The following TENM2 variants were observed in gnomAD, a reference collection of about 807,000 sequenced individuals.
TENM2 encodes the protein teneurin-2.
A neutral mutation model predicts 245.2 loss-of-function variants in TENM2; 52 were observed. The observed-to-expected ratio is 0.21, with a 90% CI of 0.17 to 0.27. TENM2 has a LOEUF of 0.27. TENM2 is among the 10% of genes least tolerant of loss of function. The probability of loss-of-function intolerance (pLI) is 1.00; values close to 1 mark genes in which losing one functional copy is unlikely to be tolerated. For missense variants in TENM2, 3,046 were observed against 3,666.8 expected (o/e 0.83, Z 4.37); for synonymous variants, 1,363 against 1,438.9 (o/e 0.95, Z 1.19).
At chr5:167,618,336 C>G (rs1411869582) in intron 2 of TENM2, among the ~76,000 whole-genome samples, 4 of 152,098 alleles carry the variant, frequency 2.6e-5, no homozygotes, top group South Asian at 4.2e-4. Context: ...CTTACCACCC[C>G]CTGTAAGCTC....
intron 12 of TENM2, among the ~76,000 whole-genome samples, chr5:168,151,299 G>T (rs1354553178): frequency 6.6e-6 from 1 of 152,114 alleles, no homozygotes; most frequent in Non-Finnish European, 1.5e-5. Flanking sequence ...TCTTTGGAGG[G>T]CACCTTTCTG....
chr5:168,006,899 C>T lies in TENM2; in HGVS notation c.1186+13717C>T, dbSNP rs559974385. ...CCGTGCTAATGAGCTGCAATTTCAG[C>T]TGGGTTCCACCTGGGTGCCTGCCAG... On this transcript the variant is annotated intron_variant, in intron 5 of 28. Transcript: ENST00000518659. Among the ~76,000 whole-genome samples the T allele has an allele frequency of 7.2e-5, 11 of 152,336 alleles. No individual in the cohort carries two copies. In the South Asian group the frequency reaches 2.3e-3, roughly 32 times the overall value.
chr5:168,167,320 G>A (rs947872033), intron 13 of TENM2, among the ~76,000 whole-genome samples: 4 of 152,056 alleles, frequency 2.6e-5, no homozygotes, highest in African/African-American at 9.7e-5. Flanking sequence ...TGCAAGGTGA[G>A]GAGGCGTTGT....
chr5:167,370,415 A>G (rs960297624), intron 1 of TENM2, among the ~76,000 whole-genome samples: 24 of 151,922 alleles, frequency 1.6e-4, no homozygotes, highest in African/African-American at 5.8e-4. Context: ...TACGATCAAG[A>G]AAAGACAATT....
the TENM2 span, among the ~76,000 whole-genome samples, chr5:167,173,917 C>A: frequency 6.6e-6 from 1 of 152,004 alleles, no homozygotes; most frequent in Non-Finnish European, 1.5e-5. Flanking sequence ...TGCTGAAATT[C>A]TTTTCCAGAC....
At position 167,773,689 on chromosome 5, in the gene TENM2, G is replaced by C. The variant is rs79537420; in HGVS notation, c.503-102297G>C. 7.9e-3 allele frequency among the ~76,000 whole-genome samples: 1,199 copies of C among 152,188 alleles called. 18 individuals carry two copies. Among genetic ancestry groups the C allele is most frequent in the African/African-American group, 0.028 (1,144 of 41,508 alleles). The stretch of plus-strand genomic sequence containing the variant: ...GTAAATTAGGTCCTGAAAATGGCAA[G>C]GAGTATTAGACAAGATTTCGGCTCC... On this transcript the variant is annotated intron_variant, in intron 2 of 28. Coordinates refer to ENST00000518659, the Ensembl canonical transcript of TENM2.
At chr5:168,072,054 C>T (rs1399333809) in intron 7 of TENM2, among the ~76,000 whole-genome samples, 2 of 152,206 alleles carry the variant, frequency 1.3e-5, no homozygotes, top group East Asian at 3.8e-4. Context: ...CCCCAGTTTG[C>T]TCCCTCTTCT....
At chr5:167,502,196 C>T (rs1769255695) in intron 2 of TENM2, among the ~76,000 whole-genome samples, 1 of 152,100 alleles carries the variant, frequency 6.6e-6, no homozygotes, top group African/African-American at 2.4e-5. Flanking sequence ...TGCACTGTGG[C>T]CATATTAAGG....
intron 2 of TENM2, among the ~76,000 whole-genome samples, chr5:167,657,055 G>T (rs746332228): frequency 1.3e-5 from 2 of 151,118 alleles, no homozygotes; most frequent in Non-Finnish European, 2.9e-5. Context: ...ACACTTGAAC[G>T]TATTTCTTCC....
intron 2 of TENM2, among the ~76,000 whole-genome samples, chr5:167,432,099 T>G (rs1764290857): frequency 6.6e-6 from 1 of 151,146 alleles, no homozygotes; most frequent in African/African-American, 2.5e-5. Context: ...AAAACCCCCC[T>G]GGAAACAAAC....
chr5:167,986,479 G>C (rs1476647897), intron 4 of TENM2, among the ~76,000 whole-genome samples: 2 of 152,278 alleles, frequency 1.3e-5, no homozygotes, highest in East Asian at 1.9e-4. Context: ...ACTGGGAAGG[G>C]AAAGAAGTGT....
chr5:167,587,447 A>G (rs1775584200), intron 2 of TENM2, among the ~76,000 whole-genome samples: 1 of 152,102 alleles, frequency 6.6e-6, no homozygotes. Flanking sequence ...TTCATTCAAG[A>G]TCATTTATAA....
intron 1 of TENM2, among the ~76,000 whole-genome samples, chr5:167,352,770 C>G (rs1012154754): frequency 6.6e-6 from 1 of 152,228 alleles, no homozygotes; most frequent in Non-Finnish European, 1.5e-5. Context: ...TAGTGAAACT[C>G]TGACATATGT....
intron 13 of TENM2, among the ~76,000 whole-genome samples, chr5:168,179,229 G>C (rs1482029758): frequency 6.6e-6 from 1 of 151,606 alleles, no homozygotes; most frequent in Admixed American, 6.6e-5. Context: ...CTGTGACCTT[G>C]GGCAAGGCCC....
intron 27 of TENM2, among the ~76,000 whole-genome samples, chr5:168,257,027 A>G (rs1034988371): frequency 6.6e-6 from 1 of 152,116 alleles, no homozygotes; most frequent in Non-Finnish European, 1.5e-5. Flanking sequence ...TCATTCATTC[A>G]TTCATTCTAT....
intron 2 of TENM2, among the ~76,000 whole-genome samples, chr5:167,444,851 C>T (rs570720237): frequency 5.9e-5 from 9 of 152,214 alleles, no homozygotes; most frequent in South Asian, 4.1e-4. Context: ...TTCTAGGAAA[C>T]GGCCCCCAAG....
chr5:167,211,072 C>G, the TENM2 span, among the ~76,000 whole-genome samples: 1 of 152,106 alleles, frequency 6.6e-6, no homozygotes, highest in Non-Finnish European at 1.5e-5. Flanking sequence ...GTCTTTTGAG[C>G]TTGGAAAAAC....
chr5:167,674,373 G>A (rs1756167082), intron 2 of TENM2, among the ~76,000 whole-genome samples: 1 of 151,972 alleles, frequency 6.6e-6, no homozygotes, highest in African/African-American at 2.4e-5. Context: ...CCTTTGATTT[G>A]GTGCCCCCAA....
chr5:167,016,221 T>G, the TENM2 span, among the ~76,000 whole-genome samples: 1 of 142,868 alleles, frequency 7.0e-6, no homozygotes, highest in Non-Finnish European at 1.5e-5. Context: ...GCCACTACAT[T>G]CCAGCCTGGG....
Sources: allele counts gnomAD v4.1 joint callset (sites outside exome capture counted in the v4.1 genomes callset), GRCh38; gene constraint gnomAD v4.1.1; transcripts MANE v1.5; gene names NCBI Gene and HGNC (gene_info 2026-07-23, HGNC 2026-07-21).